The following EXOC2 variants were observed in gnomAD, a reference collection of about 807,000 sequenced individuals.
EXOC2 encodes the protein SEC5-like 1.
In EXOC2, 70 loss-of-function variants were observed where a neutral mutation model predicts 131.8. The ratio of observed to expected loss-of-function variants is 0.53; its 90% confidence interval spans 0.44 to 0.65. The LOEUF is 0.65. Ranked by LOEUF, EXOC2 falls within the 30% of genes least tolerant of loss-of-function variation. The pLI, the probability that EXOC2 is intolerant of heterozygous loss-of-function variation, is 0.00. For missense variants in EXOC2, 923 were observed against 1,108.6 expected (o/e 0.83, Z 2.38); for synonymous variants, 411 against 398.4 (o/e 1.03, Z -0.38).
chr6:585,774 A>C (rs75909877), intron 11 of EXOC2, among the ~76,000 whole-genome samples: 4,799 of 152,320 alleles, frequency 0.032, 255 homozygotes, highest in African/African-American at 0.11. Flanking sequence ...TTAAACAGAC[A>C]TCAAGAATTA....
intron 5 of EXOC2, among the ~76,000 whole-genome samples, chr6:618,515 T>C (rs1761124946): frequency 6.6e-6 from 1 of 152,346 alleles, no homozygotes; most frequent in African/African-American, 2.4e-5. Flanking sequence ...CAGAGCTCAA[T>C]TCTGACTTAT....
At chr6:619,564 A>C in intron 4 of EXOC2, 21 bp from the exon 5 acceptor site, 1 of 1,556,268 alleles carries the variant, frequency 6.4e-7, no homozygotes, top group Non-Finnish European at 8.9e-7. Context: ...AAAACGTTTA[A>C]AATATATTTC....
chr6:535,337 T>C (rs1360332283), intron 22 of EXOC2, among the ~76,000 whole-genome samples: 4 of 151,922 alleles, frequency 2.6e-5, no homozygotes, highest in African/African-American at 9.7e-5. Flanking sequence ...CGTACTCCAA[T>C]CTAGGTAACA....
At chr6:685,348 G>A (rs991641955) in intron 1 of EXOC2, among the ~76,000 whole-genome samples, 1 of 152,068 alleles carries the variant, frequency 6.6e-6, no homozygotes, top group Admixed American at 6.6e-5. Context: ...CAACTCTCAG[G>A]GCACCATAAA....
At chr6:625,771 C>T (rs995759828) in intron 4 of EXOC2, among the ~76,000 whole-genome samples, 2 of 152,080 alleles carry the variant, frequency 1.3e-5, no homozygotes, top group African/African-American at 4.8e-5. Context: ...AGGTTTGCAT[C>T]GCCCATAACA....
chr6:542,409 G>A (rs779086600), intron 22 of EXOC2, among the ~76,000 whole-genome samples: 5 of 152,124 alleles, frequency 3.3e-5, no homozygotes, highest in African/African-American at 4.8e-5. Context: ...GAAAGAGGAC[G>A]GTACGGTGCA....
intron 11 of EXOC2, among the ~76,000 whole-genome samples, chr6:577,358 T>C (rs1007918942): frequency 2.0e-5 from 3 of 152,210 alleles, no homozygotes; most frequent in African/African-American, 7.2e-5. Context: ...TGGATCCTTT[T>C]CACCTCACAC....
intron 23 of EXOC2, among the ~76,000 whole-genome samples, chr6:526,544 G>A (rs907921801): frequency 1.3e-5 from 2 of 148,332 alleles, no homozygotes; most frequent in Admixed American, 7.0e-5. Context: ...GGGTTCAAGC[G>A]ATTCTCCTGC....
At chr6:516,327 C>T (rs1037939420) in intron 23 of EXOC2, among the ~76,000 whole-genome samples, 2 of 152,118 alleles carry the variant, frequency 1.3e-5, no homozygotes, top group African/African-American at 4.8e-5. Flanking sequence ...GCTGCTAGGC[C>T]ACGCGTACAT....
rs1345578281 is a variant in EXOC2, at chr6:564,146, T to C, written c.1676A>G (p.His559Arg). The part of the protein sequence containing the change: ...AHAIQTVRLT[H>R]ESLTALEIPN... ...AATTTCAAGGGCAGTCAACGATTCATGAGTAAGTCTGCGAACAAACACATC... is the reference window on the plus strand; with the variant it reads ...AATTTCAAGGGCAGTCAACGATTCACGAGTAAGTCTGCGAACAAACACATC... The change falls in exon 16 of 28, where the codon CAT (histidine) becomes CGT (arginine). Residue 559 changes from histidine (H) to arginine (R), a missense_variant. His to Arg is a conservative substitution (Grantham distance 29). Transcript: ENST00000230449. 4.3e-6 allele frequency: 7 copies of C among 1,613,648 alleles called. No homozygotes were observed. Among genetic ancestry groups the C allele is most frequent in the Non-Finnish European group, 5.9e-6 (7 of 1,179,898 alleles).
intron 23 of EXOC2, among the ~76,000 whole-genome samples, chr6:523,901 C>T (rs146257678): frequency 5.3e-5 from 8 of 152,206 alleles, no homozygotes; most frequent in South Asian, 2.1e-4. Flanking sequence ...GAATTGATAA[C>T]GTGAATACAA....
rs184275542 is a variant in EXOC2 at position 568,731 on chromosome 6, A to G, written c.1443+3789T>C. On this transcript the variant is annotated intron_variant, in intron 13 of 27. Coordinates refer to ENST00000230449, the MANE Select transcript of EXOC2 (RefSeq NM_018303.6). Reference sequence around the variant, plus strand: ...CAGTACCTGATACCAAACTTTGTACATAGTAAGACTGTGCAATGCGAAGAT... The same window carrying G: ...CAGTACCTGATACCAAACTTTGTACGTAGTAAGACTGTGCAATGCGAAGAT... Among the ~76,000 whole-genome samples the G allele has an allele frequency of 1.4e-3, 215 of 152,332 alleles. 1 individual carries two copies. Among genetic ancestry groups the G allele is most frequent in the Non-Finnish European group, 2.6e-3 (180 of 68,038 alleles).
chr6:671,048 CAAAAAA>C lies in EXOC2; in HGVS notation c.-44+21965_-44+21970del, dbSNP rs376028047. On this transcript the variant is annotated intron_variant, in intron 1 of 27. Coordinates refer to ENST00000230449, the MANE Select transcript of EXOC2 (RefSeq NM_018303.6). The stretch of plus-strand genomic sequence containing the variant: ...TGGGTAACATCATGAGACTCCATCT[CAAAAAA>C]AAAAAAAAAAAAAAAATTAAGGCTG... Among the ~76,000 whole-genome samples the C allele has an allele frequency of 2.6e-3, 219 of 84,084 alleles. 4 individuals are homozygous for C. The East Asian group carries it at 0.059, about 23-fold the overall frequency. 55.2% of individuals were successfully genotyped at this position (84,084 alleles called of 152,430 possible). A position where few individuals can be genotyped will look rare whatever the true frequency, so the allele number is the denominator to read the frequency against.
chr6:540,231 A>G (rs1411825287), intron 22 of EXOC2, among the ~76,000 whole-genome samples: 6 of 152,218 alleles, frequency 3.9e-5, no homozygotes, highest in African/African-American at 1.4e-4. Flanking sequence ...CAGGGATTAC[A>G]GGCAGGAGCC....
chr6:608,214 G>T (rs945251064), intron 7 of EXOC2, among the ~76,000 whole-genome samples: 1 of 152,160 alleles, frequency 6.6e-6, no homozygotes, highest in Non-Finnish European at 1.5e-5. Flanking sequence ...TGATAACTAC[G>T]AACCCGCCTG....
Position 626,011 on chromosome 6 carries a change from T to TA in EXOC2, c.422+3823dup, listed in dbSNP as rs1325536355. On this transcript the variant is annotated intron_variant, in intron 4 of 27. Coordinates refer to ENST00000230449, the MANE Select transcript of EXOC2 (RefSeq NM_018303.6). Reference sequence around the variant, plus strand: ...AGAAACAAAGCCTAGCAAAGGTTCTTACTTAACATGAACCTGTTTTTACCT... The same window carrying TA: ...AGAAACAAAGCCTAGCAAAGGTTCTTAACTTAACATGAACCTGTTTTTACCT... Among the ~76,000 whole-genome samples, 4 of 152,312 alleles carry TA rather than the reference T, an allele frequency of 2.6e-5. No homozygotes were observed. The East Asian group carries it at 7.7e-4, about 29-fold the overall frequency.
intron 17 of EXOC2, among the ~76,000 whole-genome samples, chr6:556,790 C>T (rs1469296365): frequency 6.6e-6 from 1 of 152,196 alleles, no homozygotes; most frequent in South Asian, 2.1e-4. Flanking sequence ...CAAAGTATAT[C>T]TAATTCAACT....
chr6:618,012 C>T (rs1472375749), intron 5 of EXOC2, among the ~76,000 whole-genome samples, 177 bp from the exon 6 acceptor site: 1 of 152,130 alleles, frequency 6.6e-6, no homozygotes, highest in African/African-American at 2.4e-5. Context: ...AGATCTAAAC[C>T]TTTTATTTAT....
intron 11 of EXOC2, among the ~76,000 whole-genome samples, chr6:588,716 A>G (rs1759356486): frequency 6.6e-6 from 1 of 152,222 alleles, no homozygotes; most frequent in African/African-American, 2.4e-5. Flanking sequence ...CATTCCACGC[A>G]CATTCTTTCG....
Sources: allele counts gnomAD v4.1 joint callset (sites outside exome capture counted in the v4.1 genomes callset), GRCh38; gene constraint gnomAD v4.1.1; transcripts MANE v1.5; gene names NCBI Gene and HGNC (gene_info 2026-07-23, HGNC 2026-07-21).